The following NKAIN2 variants were observed in gnomAD, a reference collection of about 807,000 sequenced individuals.
NKAIN2 encodes the protein sodium/potassium transporting ATPase interacting 2.
In NKAIN2, 14 loss-of-function variants were observed where a neutral mutation model predicts 32.6. That is an observed-to-expected ratio of 0.43 (90% CI 0.28 to 0.67). The LOEUF is 0.67. NKAIN2 is among the 30% of genes least tolerant of loss of function. NKAIN2 has a pLI of 0.17. For missense variants in NKAIN2, 198 were observed against 258.3 expected (o/e 0.77, Z 1.60); for synonymous variants, 80 against 87.2 (o/e 0.92, Z 0.46).
chr6:124,051,596 C>T (rs1004653966), intron 1 of NKAIN2, among the ~76,000 whole-genome samples: 45 of 152,066 alleles, frequency 3.0e-4, no homozygotes, highest in African/African-American at 1.0e-3. Flanking sequence ...CACAACAGGC[C>T]CCGGGGTGTG....
intron 1 of NKAIN2, among the ~76,000 whole-genome samples, chr6:124,021,988 G>A (rs1244561629): frequency 2.6e-5 from 4 of 152,036 alleles, no homozygotes; most frequent in Non-Finnish European, 5.9e-5. Flanking sequence ...TTGGTGTGCT[G>A]CACCCATTAA....
intron 1 of NKAIN2, among the ~76,000 whole-genome samples, chr6:124,085,908 A>C (rs759449212): frequency 3.3e-5 from 5 of 151,910 alleles, no homozygotes; most frequent in Admixed American, 6.6e-5. Flanking sequence ...TTTTTCTTAG[A>C]TGTAAGTACA....
intron 1 of NKAIN2, among the ~76,000 whole-genome samples, chr6:124,105,609 G>C (rs1785081367): frequency 1.3e-5 from 2 of 152,098 alleles, no homozygotes; most frequent in Non-Finnish European, 2.9e-5. Context: ...AATATAGATT[G>C]ATTTTTATAA....
intron 4 of NKAIN2, among the ~76,000 whole-genome samples, chr6:124,695,310 G>A (rs371192158): frequency 3.3e-5 from 5 of 152,202 alleles, no homozygotes; most frequent in Admixed American, 6.5e-5. Flanking sequence ...AGATACAAAC[G>A]TATATGTCAG....
chr6:124,823,172 C>T, intron 6 of NKAIN2, 48 bp from the exon 7 acceptor site: 1 of 1,354,560 alleles, frequency 7.4e-7, no homozygotes, highest in Non-Finnish European at 1.1e-6. Flanking sequence ...GAGCAGCAGG[C>T]ACCTGTCACT....
At chr6:124,441,478 G>T (rs190422648) in intron 3 of NKAIN2, among the ~76,000 whole-genome samples, 1 of 152,040 alleles carries the variant, frequency 6.6e-6, no homozygotes, top group African/African-American at 2.4e-5. Flanking sequence ...ATTAGAAAAG[G>T]TGATCCAGTT....
At chr6:124,554,515 C>T (rs1405764403) in intron 3 of NKAIN2, among the ~76,000 whole-genome samples, 1 of 152,316 alleles carries the variant, frequency 6.6e-6, no homozygotes, top group Non-Finnish European at 1.5e-5. Flanking sequence ...ATTTCTTCCA[C>T]CGGAAATGAG....
chr6:124,424,145 C>A (rs1210195531), intron 3 of NKAIN2, among the ~76,000 whole-genome samples: 1 of 152,092 alleles, frequency 6.6e-6, no homozygotes, highest in Non-Finnish European at 1.5e-5. Context: ...AGGTGCCCGC[C>A]ACCATGCCCA....
chr6:124,809,974 T>G (rs1407679004), intron 5 of NKAIN2, among the ~76,000 whole-genome samples: 1 of 152,034 alleles, frequency 6.6e-6, no homozygotes, highest in Non-Finnish European at 1.5e-5. Context: ...CATTAAAAAG[T>G]CAGGAAACAA....
At chr6:124,005,685 A>G (rs1250287903) in intron 1 of NKAIN2, among the ~76,000 whole-genome samples, 2 of 152,150 alleles carry the variant, frequency 1.3e-5, no homozygotes, top group African/African-American at 4.8e-5. Context: ...AACTCCAACC[A>G]TTTGTTTCCT....
Position 124,056,238 on chromosome 6 carries a change from GT to G in NKAIN2, c.55-226755del, listed in dbSNP as rs575460242. On this transcript the variant is annotated intron_variant, in intron 1 of 6. Coordinates refer to ENST00000368417, the MANE Select transcript of NKAIN2 (RefSeq NM_001040214.3). ...TTTGTAGTGCCTTTAATTGAGAGAG[GT>G]TTTTTTTTTTTAATTCCACACAGTA... 3.6e-3 allele frequency among the ~76,000 whole-genome samples: 521 copies of G among 144,062 alleles called. 3 individuals carry two copies. Among genetic ancestry groups the G allele is most frequent in the African/African-American group, 0.01 (407 of 39,518 alleles). The allele number at this position is 144,062 out of a possible 152,430, so 94.5% of individuals were successfully genotyped here.
chr6:123,908,360 A>C (rs1306474762), intron 1 of NKAIN2, among the ~76,000 whole-genome samples: 4 of 152,208 alleles, frequency 2.6e-5, no homozygotes, highest in Non-Finnish European at 4.4e-5. Flanking sequence ...TATTTACTTA[A>C]AAAAGGCTCT....
intron 5 of NKAIN2, among the ~76,000 whole-genome samples, chr6:124,796,495 C>G (rs190056762): frequency 2.8e-4 from 42 of 152,272 alleles, no homozygotes; most frequent in African/African-American, 8.7e-4. Context: ...TTGAAAATAT[C>G]TGTGGGGCAC....
intron 1 of NKAIN2, among the ~76,000 whole-genome samples, chr6:123,951,839 AT>A (rs1033600148): frequency 1.3e-5 from 2 of 151,190 alleles, no homozygotes; most frequent in African/African-American, 2.4e-5. Context: ...ACTTTTATTA[AT>A]TGTTGATTTA....
At chr6:123,905,662 C>A (rs1006068461) in intron 1 of NKAIN2, among the ~76,000 whole-genome samples, 25 of 151,628 alleles carry the variant, frequency 1.6e-4, no homozygotes, top group African/African-American at 6.1e-4. Flanking sequence ...ATGAAAGGAC[C>A]GAAAAGCCTA....
At chr6:124,790,110 T>G (rs986948468) in intron 4 of NKAIN2, among the ~76,000 whole-genome samples, 2 of 152,130 alleles carry the variant, frequency 1.3e-5, no homozygotes, top group African/African-American at 4.8e-5. Flanking sequence ...CTATGCCAGT[T>G]CTTTTTGGAA....
chr6:123,894,939 G>A (rs1224980806), intron 1 of NKAIN2, among the ~76,000 whole-genome samples: 1 of 151,938 alleles, frequency 6.6e-6, no homozygotes, highest in African/African-American at 2.4e-5. Context: ...AAGTTACCTC[G>A]GGAAAAAGAT....
chr6:124,223,212 CAAAAAAAAAAAAA>C (rs369262954), intron 1 of NKAIN2, among the ~76,000 whole-genome samples: 7 of 68,216 alleles, frequency 1.0e-4, no homozygotes, highest in Admixed American at 1.7e-4. Context: ...GACTCCATCT[CAAAAAAAAAAAAA>C]AAAAAAAAAA....
At chr6:124,413,121 C>T (rs1296717814) in intron 3 of NKAIN2, among the ~76,000 whole-genome samples, 1 of 152,142 alleles carries the variant, frequency 6.6e-6, no homozygotes, top group Non-Finnish European at 1.5e-5. Flanking sequence ...CTTGCACTTC[C>T]CGGGTGAGGT....
Sources: allele counts gnomAD v4.1 joint callset (sites outside exome capture counted in the v4.1 genomes callset), GRCh38; gene constraint gnomAD v4.1.1; transcripts MANE v1.5; gene names NCBI Gene and HGNC (gene_info 2026-07-23, HGNC 2026-07-21).